The following HECW2 variants were observed in gnomAD, a reference collection of about 807,000 sequenced individuals.
HECW2 encodes the protein E3 ubiquitin-protein ligase HECW2.
Under a neutral mutation model 175.2 loss-of-function variants are expected in HECW2, and 61 were observed. The observed-to-expected ratio is 0.35, with a 90% CI of 0.28 to 0.43. The LOEUF (loss-of-function observed/expected upper bound fraction) is 0.43, where lower values mean the gene tolerates loss of function less well. HECW2 is among the 20% of genes least tolerant of loss of function. The probability of loss-of-function intolerance (pLI) is 1.00; values close to 1 mark genes in which losing one functional copy is unlikely to be tolerated. For synonymous variants in HECW2, 671 were observed against 731.0 expected, an observed-to-expected ratio of 0.92 and a Z score of 1.32; for missense variants, 1,524 against 2,000.5, an observed-to-expected ratio of 0.76 and a Z score of 4.54.
At chr2:196,413,101 T>G (rs1695159290) in intron 2 of HECW2, among the ~76,000 whole-genome samples, 1 of 152,144 alleles carries the variant, frequency 6.6e-6, no homozygotes, top group Non-Finnish European at 1.5e-5. Context: ...TCCTGTACTC[T>G]CAGCAGTTTG....
At chr2:196,227,591 A>C (rs1486154132) in intron 22 of HECW2, among the ~76,000 whole-genome samples, 1 of 152,038 alleles carries the variant, frequency 6.6e-6, no homozygotes, top group Non-Finnish European at 1.5e-5. Flanking sequence ...CACCAGCCCC[A>C]CTGCCCACTA....
At chr2:196,518,699 T>G (rs1559154487) in intron 1 of HECW2, among the ~76,000 whole-genome samples, 1 of 148,216 alleles carries the variant, frequency 6.7e-6, no homozygotes, top group Non-Finnish European at 1.5e-5. Flanking sequence ...AATTCTGTAC[T>G]CTGAAGCTCC....
chr2:196,422,684 T>C (rs903399350), intron 2 of HECW2, among the ~76,000 whole-genome samples: 1 of 152,230 alleles, frequency 6.6e-6, no homozygotes, highest in Middle Eastern at 3.4e-3. Context: ...GAAAAGAATT[T>C]AGAGTTAAGT....
chr2:196,520,854 C>G (rs184560016), intron 1 of HECW2, among the ~76,000 whole-genome samples: 3 of 151,992 alleles, frequency 2.0e-5, no homozygotes, highest in Non-Finnish European at 4.4e-5. Flanking sequence ...CAGAAGGACA[C>G]GCAAGAAGAA....
intron 20 of HECW2, among the ~76,000 whole-genome samples, chr2:196,241,176 A>G (rs550755793): frequency 5.3e-5 from 8 of 152,352 alleles, no homozygotes; most frequent in African/African-American, 1.9e-4. Flanking sequence ...CCTTCCATAG[A>G]TATCAATTTG....
chr2:196,343,594 T>C lies in HECW2; in HGVS notation c.400+63A>G, dbSNP rs111723400. 1.9e-3 allele frequency: 1,969 copies of C among 1,044,176 alleles called. 26 individuals carry two copies. The African/African-American group carries it at 0.028, about 15-fold the overall frequency. 64.7% of individuals were successfully genotyped at this position (1,044,176 alleles called of 1,614,324 possible). ...CAAAATAACATTCAAAAAGACTCCA[T>C]AGAATTCTGCATACTTATGCAATGT... On this transcript the variant is annotated intron_variant, in intron 3 of 28. Transcript: ENST00000644978.
intron 1 of HECW2, among the ~76,000 whole-genome samples, chr2:196,482,766 A>T (rs964755822): frequency 2.0e-5 from 3 of 152,120 alleles, no homozygotes; most frequent in Admixed American, 6.5e-5. Flanking sequence ...CAAAATCACA[A>T]ATTCAAGAAT....
At chr2:196,229,314 T>C (rs546828210) in intron 21 of HECW2, among the ~76,000 whole-genome samples, 1 of 151,468 alleles carries the variant, frequency 6.6e-6, no homozygotes, top group South Asian at 2.1e-4. Flanking sequence ...ATTTTTTTAA[T>C]GAAAAAAAAA....
At chr2:196,560,890 C>A (rs1462788347) in intron 1 of HECW2, among the ~76,000 whole-genome samples, 1 of 152,178 alleles carries the variant, frequency 6.6e-6, no homozygotes, top group African/African-American at 2.4e-5. Flanking sequence ...TCTTCGTAAG[C>A]TGAGGATGTA....
At chr2:196,496,655 C>A (rs1013362574) in intron 1 of HECW2, among the ~76,000 whole-genome samples, 2 of 152,186 alleles carry the variant, frequency 1.3e-5, no homozygotes, top group African/African-American at 4.8e-5. Flanking sequence ...AAGCGCTTTT[C>A]TTCCAAGCAG....
At chr2:196,529,878 T>G (rs116518203) in intron 1 of HECW2, among the ~76,000 whole-genome samples, 1,858 of 152,318 alleles carry the variant, frequency 0.012, 43 homozygotes, top group African/African-American at 0.043. Flanking sequence ...CTGCCCTAAC[T>G]AATACAGTTA....
intron 1 of HECW2, among the ~76,000 whole-genome samples, chr2:196,527,750 C>T (rs771053231): frequency 2.4e-4 from 37 of 152,192 alleles, no homozygotes; most frequent in Non-Finnish European, 5.0e-4. Flanking sequence ...AACAGCAGCA[C>T]GCTTTGAACC....
chr2:196,265,717 G>A (rs969321086), intron 17 of HECW2, among the ~76,000 whole-genome samples: 1 of 152,104 alleles, frequency 6.6e-6, no homozygotes, highest in African/African-American at 2.4e-5. Context: ...TGCTTACTAT[G>A]CTTACACAGT....
chr2:196,394,290 T>C (rs940948231), intron 2 of HECW2, among the ~76,000 whole-genome samples: 1 of 152,064 alleles, frequency 6.6e-6, no homozygotes, highest in Non-Finnish European at 1.5e-5. Context: ...CCCTAGAACT[T>C]AAAGTATAAT....
chr2:196,460,905 G>A (rs1466362913), intron 1 of HECW2, among the ~76,000 whole-genome samples: 1 of 150,110 alleles, frequency 6.7e-6, no homozygotes, highest in African/African-American at 2.4e-5. Context: ...GATTACAGGT[G>A]TGAGCCACCA....
chr2:196,334,816 CG>C (rs1692491821), intron 3 of HECW2, among the ~76,000 whole-genome samples: 1 of 152,314 alleles, frequency 6.6e-6, no homozygotes, highest in African/African-American at 2.4e-5. Flanking sequence ...TGCTCCTTAA[CG>C]TGCCACAATG....
intron 3 of HECW2, 122 bp downstream of exon 3, chr2:196,343,535 T>C (rs1223183834): frequency 2.6e-5 from 17 of 666,168 alleles, no homozygotes; most frequent in Non-Finnish European, 4.4e-5. Context: ...TTTTCCATCA[T>C]GGCATAAATA....
chr2:196,250,403 A>T (rs558158150), intron 19 of HECW2, among the ~76,000 whole-genome samples: 2 of 152,346 alleles, frequency 1.3e-5, no homozygotes, highest in African/African-American at 4.8e-5. Context: ...AAAGCGACAC[A>T]TTAACCTTTA....
intron 1 of HECW2, among the ~76,000 whole-genome samples, chr2:196,491,472 G>GTGTA (rs1553524433): frequency 0.012 from 1,626 of 137,086 alleles, 40 homozygotes; most frequent in African/African-American, 0.043. Flanking sequence ...TTAGGTGTGT[G>GTGTA]TATATATATA....
Sources: allele counts gnomAD v4.1 joint callset (sites outside exome capture counted in the v4.1 genomes callset), GRCh38; gene constraint gnomAD v4.1.1; transcripts MANE v1.5; gene names NCBI Gene and HGNC (gene_info 2026-07-23, HGNC 2026-07-21).